The following OXCT1 variants were observed in gnomAD, a reference collection of about 807,000 sequenced individuals.
The protein encoded by OXCT1 is 3-oxoacid CoA-transferase 1.
In OXCT1, 27 loss-of-function variants were observed where a neutral mutation model predicts 69.6. The ratio of observed to expected loss-of-function variants is 0.39; its 90% CI spans 0.29 to 0.54. OXCT1 has a LOEUF of 0.54. OXCT1 is among the 20% of genes least tolerant of loss of function. The pLI, the probability that OXCT1 is intolerant of heterozygous loss-of-function variation, is 0.72. For synonymous variants in OXCT1, 202 were observed against 217.8 expected (o/e 0.93, Z 0.64); for missense variants, 437 against 650.2 (o/e 0.67, Z 3.57).
intron 13 of OXCT1, among the ~76,000 whole-genome samples, chr5:41,767,726 A>G (rs1323524325): frequency 1.4e-4 from 13 of 90,058 alleles, no homozygotes; most frequent in Non-Finnish European, 3.0e-4. Context: ...GTGTGTGTAT[A>G]TATATATATA....
chr5:41,808,353 T>C (rs1477071999), intron 7 of OXCT1, among the ~76,000 whole-genome samples: 3 of 152,020 alleles, frequency 2.0e-5, no homozygotes, highest in Non-Finnish European at 4.4e-5. Context: ...ACAAGGATAG[T>C]AGTATTGATT....
At chr5:41,783,292 A>G (rs1012257042) in intron 13 of OXCT1, among the ~76,000 whole-genome samples, 3 of 152,220 alleles carry the variant, frequency 2.0e-5, no homozygotes, top group Non-Finnish European at 4.4e-5. Context: ...ATAGAGAAAG[A>G]TTTCGCCAAC....
chr5:41,817,809 T>C lies in OXCT1; in HGVS notation c.733-10371A>G, dbSNP rs759349396. On this transcript the variant is annotated intron_variant, in intron 7 of 16. Transcript: ENST00000196371. ...ACCAGGCAGTATTAAAAGGCACACC[T>C]TGAGATAAAATGATCCCAGAGAAGT... Among the ~76,000 whole-genome samples the C allele has an allele frequency of 7.2e-5, 11 of 152,284 alleles. No homozygotes were observed. The Middle Eastern group carries it at 0.027, about 377-fold the overall frequency.
In OXCT1 at chr5:41,840,539, G is replaced by C. The variant is rs757604219; in HGVS notation, c.672-28C>G. The C allele has an allele frequency of 8.1e-5, 124 of 1,538,266 alleles. 1 individual carries two copies. The South Asian group carries it at 1.3e-3, about 16-fold the overall frequency. ...ACAGGGGTGGAGGAGATAAGAAAGT[G>C]GGGGGGAAAAGACGAAAAATAAGCA... On this transcript the variant is annotated intron_variant, in intron 6 of 16. Transcript: ENST00000196371.
intron 14 of OXCT1, among the ~76,000 whole-genome samples, chr5:41,755,345 G>T (rs186985627): frequency 6.6e-6 from 1 of 152,016 alleles, no homozygotes; most frequent in East Asian, 1.9e-4. Context: ...AACCATGTAA[G>T]GATTTATAGT....
intron 7 of OXCT1, among the ~76,000 whole-genome samples, chr5:41,822,834 G>T (rs916764608): frequency 3.3e-5 from 5 of 152,104 alleles, no homozygotes; most frequent in African/African-American, 1.2e-4. Context: ...TGTAATTTGT[G>T]TCTGTATATT....
intron 13 of OXCT1, among the ~76,000 whole-genome samples, chr5:41,767,245 T>A (rs1293465210): frequency 6.6e-6 from 1 of 152,176 alleles, no homozygotes; most frequent in Non-Finnish European, 1.5e-5. Flanking sequence ...ACACTTTCTT[T>A]TAAAAAACCA....
intron 15 of OXCT1, among the ~76,000 whole-genome samples, chr5:41,742,579 C>T (rs1026938750): frequency 2.0e-5 from 3 of 152,078 alleles, no homozygotes; most frequent in Admixed American, 2.0e-4. Flanking sequence ...TGTGCTGCAC[C>T]CATTAACTCT....
At chr5:41,752,101 G>A (rs1331881583) in intron 14 of OXCT1, among the ~76,000 whole-genome samples, 1 of 152,106 alleles carries the variant, frequency 6.6e-6, no homozygotes, top group African/African-American at 2.4e-5. Flanking sequence ...CAAGTGCTGA[G>A]GTTTTAGCAT....
At chr5:41,779,639 A>G (rs1338369521) in intron 13 of OXCT1, among the ~76,000 whole-genome samples, 2 of 152,216 alleles carry the variant, frequency 1.3e-5, no homozygotes, top group African/African-American at 4.8e-5. Flanking sequence ...ACACAAAGAA[A>G]GTAAAAGATC....
rs114609984 is a variant in OXCT1 at position 41,738,344 on chromosome 5, G to A, written c.1521+1046C>T. Reference sequence around the variant, plus strand: ...AGCTCCCATAATCCCCTTGTGTCACGGGAGGGACCTGGTGGGAGGTAACTG... The same window carrying A: ...AGCTCCCATAATCCCCTTGTGTCACAGGAGGGACCTGGTGGGAGGTAACTG... On this transcript the variant is annotated intron_variant, in intron 16 of 16. Coordinates refer to ENST00000196371, the MANE Select transcript of OXCT1 (RefSeq NM_000436.4). Among the ~76,000 whole-genome samples, 576 of 152,242 alleles carry A rather than the reference G, an allele frequency of 3.8e-3. 2 individuals carry two copies. Among genetic ancestry groups the A allele is most frequent in the African/African-American group, 0.013 (555 of 41,542 alleles).
chr5:41,731,938 C>A (rs1742653951), intron 16 of OXCT1, among the ~76,000 whole-genome samples, 168 bp from the exon 17 acceptor site: 2 of 152,284 alleles, frequency 1.3e-5, no homozygotes, highest in Non-Finnish European at 1.5e-5. Context: ...CAGAACAGTT[C>A]TGTTTACATT....
At chr5:41,770,743 C>G (rs776258721) in intron 13 of OXCT1, among the ~76,000 whole-genome samples, 1 of 152,104 alleles carries the variant, frequency 6.6e-6, no homozygotes, top group Non-Finnish European at 1.5e-5. Context: ...GGGTAAAATC[C>G]ATTTTTATAA....
intron 12 of OXCT1, 183 bp downstream of exon 12, chr5:41,794,494 T>G: frequency 1.6e-6 from 1 of 635,432 alleles, no homozygotes; most frequent in Non-Finnish European, 2.8e-6. Context: ...TTCCTAACAG[T>G]GGGCTGGATA....
chr5:41,798,001 C>A (rs1318463244), intron 11 of OXCT1, among the ~76,000 whole-genome samples: 1 of 152,000 alleles, frequency 6.6e-6, no homozygotes, highest in Non-Finnish European at 1.5e-5. Flanking sequence ...AGGGGAAGGG[C>A]ATTTCTGAGC....
intron 3 of OXCT1, among the ~76,000 whole-genome samples, chr5:41,854,758 G>C (rs1215468105): frequency 1.3e-5 from 2 of 151,696 alleles, no homozygotes; most frequent in Non-Finnish European, 2.9e-5. Context: ...AAACATGAAG[G>C]GATGGCTAAA....
At chr5:41,839,399 T>G (rs1419329785) in intron 7 of OXCT1, among the ~76,000 whole-genome samples, 1 of 152,206 alleles carries the variant, frequency 6.6e-6, no homozygotes, top group Non-Finnish European at 1.5e-5. Flanking sequence ...TCAGTAATGC[T>G]ATAGTTGTGT....
At chr5:41,751,046 G>T (rs796762025) in intron 14 of OXCT1, among the ~76,000 whole-genome samples, 12 of 152,216 alleles carry the variant, frequency 7.9e-5, no homozygotes, top group African/African-American at 2.6e-4. Context: ...TATAGTTGCA[G>T]AAATAAAGCT....
chr5:41,808,845 A>G (rs1420790088), intron 7 of OXCT1, among the ~76,000 whole-genome samples: 2 of 152,060 alleles, frequency 1.3e-5, no homozygotes, highest in African/African-American at 4.8e-5. Context: ...GCTCATTCAC[A>G]TCTTTCCATA....
Sources: gnomAD v4.1 joint callset for allele counts (sites outside exome capture counted in the v4.1 genomes callset) on GRCh38, gnomAD v4.1.1 for gene constraint, MANE v1.5 for transcripts, NCBI Gene and HGNC (gene_info 2026-07-23, HGNC 2026-07-21) for gene names.